The following TOMM20L variants were observed in gnomAD, a reference collection of about 807,000 sequenced individuals.
The protein encoded by TOMM20L is TOMM20-like protein 1.
A neutral mutation model predicts 20.4 loss-of-function variants in TOMM20L; 19 were observed. The ratio of observed to expected loss-of-function variants is 0.93; its 90% CI spans 0.65 to 1.36. The LOEUF is 1.36. Among genes scored for constraint, TOMM20L ranks in the 40% most tolerant of loss-of-function variants. The probability of loss-of-function intolerance (pLI) is 0.00; values close to 1 mark genes in which losing one functional copy is unlikely to be tolerated. For synonymous variants in TOMM20L, 75 were observed against 79.6 expected (o/e 0.94, Z 0.30); for missense variants, 218 against 203.7 (o/e 1.07, Z -0.43).
At chr14:58,410,208 C>A (rs1368611592), downstream of TOMM20L, among the ~76,000 whole-genome samples, 1 of 151,960 alleles carries the variant, frequency 6.6e-6, no homozygotes. Context: ...GTAGCTGGGA[C>A]CACAGGCATG....
chr14:58,407,948 A>C (rs1226526802), intron 4 of TOMM20L, among the ~76,000 whole-genome samples: 1 of 152,230 alleles, frequency 6.6e-6, no homozygotes, highest in Non-Finnish European at 1.5e-5. Context: ...ATTAGGCATA[A>C]GACATTAACT....
chr14:58,397,948 A>G (rs555359269), intron 2 of TOMM20L, among the ~76,000 whole-genome samples: 26 of 152,328 alleles, frequency 1.7e-4, no homozygotes, highest in African/African-American at 6.3e-4. Flanking sequence ...TGGTGGTGGT[A>G]GTGGTAACTG....
At chr14:58,396,193 A>T in intron 1 of TOMM20L, 100 bp downstream of exon 1, 1 of 1,513,436 alleles carries the variant, frequency 6.6e-7, no homozygotes, top group Non-Finnish European at 8.9e-7. Context: ...TGAGTGCCTC[A>T]GCCTCTGCCG....
Position 58,408,587 on chromosome 14 carries a change from C to T in TOMM20L, c.*5C>T. ...TTGGAGGATGATCCTGATTGAAAAA[C>T]ATTTCAACGTATCCACAGTCCAGTG... On this transcript the variant is annotated 3_prime_UTR_variant, in exon 5 of 5. Transcript: ENST00000360945. The T allele has an allele frequency of 6.2e-7, 1 of 1,613,460 alleles. No homozygotes were observed. The highest frequency in any genetic ancestry group is 8.5e-7 in the Non-Finnish European group (1 of 1,179,554).
chr14:58,402,895 C>A, intron 3 of TOMM20L, 134 bp downstream of exon 3: 1 of 663,692 alleles, frequency 1.5e-6, no homozygotes, highest in Non-Finnish European at 2.7e-6. Flanking sequence ...ACTATCCCAG[C>A]ATGTTCACTT....
chr14:58,415,605 G>A, the TOMM20L span, among the ~76,000 whole-genome samples: 3 of 152,108 alleles, frequency 2.0e-5, no homozygotes, highest in Non-Finnish European at 4.4e-5. Context: ...GAGAATGGAG[G>A]GGACAGAGGA....
intron 2 of TOMM20L, 50 bp downstream of exon 2, chr14:58,396,391 C>T (rs758350458): frequency 6.2e-7 from 1 of 1,606,134 alleles, no homozygotes; most frequent in Non-Finnish European, 8.5e-7. Flanking sequence ...CAGGTCCGGG[C>T]TCGCTGGGTT....
At chr14:58,404,464 TCA>T (rs1336244179) in intron 3 of TOMM20L, among the ~76,000 whole-genome samples, 4 of 151,610 alleles carry the variant, frequency 2.6e-5, no homozygotes, top group Non-Finnish European at 5.9e-5. Flanking sequence ...CCCTTGCATA[TCA>T]CAGTGCCTGT....
chr14:58,396,136 C>G, intron 1 of TOMM20L, 43 bp downstream of exon 1: 1 of 1,276,836 alleles, frequency 7.8e-7, no homozygotes, highest in African/African-American at 1.6e-5. Context: ...CCGGGCAGCG[C>G]GGGCGGGCTG....
chr14:58,399,467 C>T (rs1191057993), intron 2 of TOMM20L, among the ~76,000 whole-genome samples: 1 of 151,924 alleles, frequency 6.6e-6, no homozygotes, highest in Non-Finnish European at 1.5e-5. Flanking sequence ...ATTCCTGGGC[C>T]CTACTCCCAG....
At position 58,407,337 on chromosome 14, in the gene TOMM20L, A is replaced by AT. The variant is rs2036075317; in HGVS notation, c.275dup (p.Met92IlefsTer33). 1.2e-6 allele frequency: 2 copies of AT among 1,606,850 alleles called. No individual in the cohort carries two copies. Among genetic ancestry groups the AT allele is most frequent in the East Asian group, 4.5e-5 (2 of 44,300 alleles). ...TCATTCTGTTTCAGGAGAGCACAGAATGGGGATTCAACACCTCGGCAATGC... is the reference window on the plus strand; with the variant it reads ...TCATTCTGTTTCAGGAGAGCACAGAATTGGGGATTCAACACCTCGGCAATGC... On this transcript the variant is annotated frameshift_variant, in exon 4 of 5. Coordinates refer to ENST00000360945, the MANE Select transcript of TOMM20L (RefSeq NM_207377.3). LOFTEE classifies it high-confidence loss of function.
chr14:58,401,079 T>C (rs560618812), intron 2 of TOMM20L, among the ~76,000 whole-genome samples: 8 of 152,308 alleles, frequency 5.3e-5, no homozygotes, highest in Admixed American at 1.3e-4. Flanking sequence ...CCAGAGGACA[T>C]TGGACTTCGT....
downstream of TOMM20L, among the ~76,000 whole-genome samples, chr14:58,412,883 A>G (rs1019038259): frequency 6.6e-6 from 1 of 152,118 alleles, no homozygotes; most frequent in Non-Finnish European, 1.5e-5. Flanking sequence ...CCTGGGTGAC[A>G]AAGTGAGACT....
intron 2 of TOMM20L, chr14:58,398,785 T>C (rs1019152443): frequency 6.6e-6 from 1 of 151,832 alleles, no homozygotes; most frequent in African/African-American, 2.4e-5. Flanking sequence ...AATAAATTGT[T>C]AATATTATTT....
At chr14:58,396,538 A>C (rs2035925656) in intron 2 of TOMM20L, among the ~76,000 whole-genome samples, 197 bp downstream of exon 2, 1 of 152,252 alleles carries the variant, frequency 6.6e-6, no homozygotes, top group South Asian at 2.1e-4. Context: ...GGAAGGAAGG[A>C]GGAAGAAGTT....
intron 2 of TOMM20L, among the ~76,000 whole-genome samples, chr14:58,400,862 A>G (rs2035985305): frequency 6.6e-6 from 1 of 152,190 alleles, no homozygotes; most frequent in East Asian, 1.9e-4. Flanking sequence ...TGGGCAACAG[A>G]GCAAGACTCT....
rs1594993631 is a variant in TOMM20L at position 58,396,385 on chromosome 14, T to A, written c.180+44T>A. ...GCACAGGTAGCTCAGTAGACGCAGG[T>A]CCGGGCTCGCTGGGTTGCTTGGCTC... On this transcript the variant is annotated intron_variant, in intron 2 of 4. Transcript: ENST00000360945. 4 of 1,609,798 alleles carry A rather than the reference T, an allele frequency of 2.5e-6. No homozygotes were observed. In the South Asian group the frequency reaches 3.3e-5, roughly 13 times the overall value.
intron 3 of TOMM20L, among the ~76,000 whole-genome samples, chr14:58,406,030 C>T (rs1218682832): frequency 6.6e-6 from 1 of 152,142 alleles, no homozygotes; most frequent in Admixed American, 6.5e-5. Context: ...CAATTTTTCA[C>T]CCAGTTTTCT....
chr14:58,404,090 C>CATATATATATATAT lies in TOMM20L; in HGVS notation c.262+1337_262+1338insATATATATATATAT, dbSNP rs2036023608. On this transcript the variant is annotated intron_variant, in intron 3 of 4. Transcript: ENST00000360945. ...CACCCATCAGTACAATGTATATATACATATATATGTATATATATATATATA... is the reference window on the plus strand; with the variant it reads ...CACCCATCAGTACAATGTATATATACATATATATATATATATATATATGTATATATATATATATA... 1.8e-4 allele frequency among the ~76,000 whole-genome samples: 3 copies of CATATATATATATAT among 16,836 alleles called. No homozygotes were observed. The East Asian group carries it at 5.0e-3, about 28-fold the overall frequency. The allele number at this position is 16,836 out of a possible 152,430, so 11.0% of individuals were successfully genotyped here.
Sources: gnomAD v4.1 joint callset for allele counts (sites outside exome capture counted in the v4.1 genomes callset) on GRCh38, gnomAD v4.1.1 for gene constraint, MANE v1.5 for transcripts, NCBI Gene and HGNC (gene_info 2026-07-23, HGNC 2026-07-21) for gene names.